TJP2: variants seen among roughly 807,000 people sequenced by gnomAD.
TJP2 encodes the protein Friedreich ataxia region gene X104 (tight junction protein ZO-2).
In TJP2, 91 loss-of-function variants were observed where a neutral mutation model predicts 133.1. The observed-to-expected ratio is 0.68, with a 90% CI of 0.58 to 0.81. The LOEUF is 0.81. Among genes scored for constraint, TJP2 ranks in the 40% least tolerant of loss-of-function variants. TJP2 has a pLI of 0.00. For missense variants in TJP2, 1,541 were observed against 1,565.6 expected (o/e 0.98, Z 0.26); for synonymous variants, 592 against 583.4 (o/e 1.01, Z -0.21).
intron 1 of TJP2, among the ~76,000 whole-genome samples, chr9:69,128,647 C>T (rs1390811569): frequency 1.3e-5 from 2 of 151,794 alleles, no homozygotes; most frequent in Non-Finnish European, 2.9e-5. Flanking sequence ...CTCAGCCTCC[C>T]GAGTAGCTGG....
At chr9:69,135,220 G>A (rs547669947) in intron 1 of TJP2, among the ~76,000 whole-genome samples, 44 of 151,562 alleles carry the variant, frequency 2.9e-4, no homozygotes, top group African/African-American at 1.0e-3. Flanking sequence ...ATCATGGCTG[G>A]CACTCTTAAT....
intron 10 of TJP2, 28 bp downstream of exon 10, chr9:69,229,278 C>G: frequency 6.2e-7 from 1 of 1,600,894 alleles, no homozygotes; most frequent in African/African-American, 1.3e-5. Flanking sequence ...TCTTTGTTTT[C>G]CCTTCTTCCT....
chr9:69,178,863 T>C (rs1021534121), intron 1 of TJP2, among the ~76,000 whole-genome samples: 1 of 152,252 alleles, frequency 6.6e-6, no homozygotes, highest in African/African-American at 2.4e-5. Context: ...AAGTGACTCT[T>C]GCTCATGATT....
rs78681248 is a variant in TJP2 at position 69,234,602 on chromosome 9, A to T, written c.1780+55A>T. On this transcript the variant is annotated intron_variant, in intron 12 of 22. Coordinates refer to ENST00000377245, the MANE Select transcript of TJP2 (RefSeq NM_004817.4). Reference sequence around the variant, plus strand: ...GGGGTGGGGGTGGGGAGTGGGAAGGATGAGAGAGGTGTCTTGGTACCAGAA... The same window carrying T: ...GGGGTGGGGGTGGGGAGTGGGAAGGTTGAGAGAGGTGTCTTGGTACCAGAA... 40,031 of 1,083,382 alleles carry T rather than the reference A, an allele frequency of 0.037. 1,411 individuals are homozygous for T. The highest frequency in any genetic ancestry group is 0.061 in the South Asian group (4,795 of 78,002). The allele number at this position is 1,083,382 out of a possible 1,614,324, so 67.1% of individuals were successfully genotyped here.
At chr9:69,253,014 C>T in intron 22 of TJP2, 114 bp downstream of exon 22, 1 of 919,146 alleles carries the variant, frequency 1.1e-6, no homozygotes, top group Admixed American at 2.1e-5. Context: ...TTTTTCCCCA[C>T]AGATTGACTG....
chr9:69,241,067 A>G (rs1233591502), intron 17 of TJP2, among the ~76,000 whole-genome samples: 1 of 152,152 alleles, frequency 6.6e-6, no homozygotes, highest in Admixed American at 6.5e-5. Flanking sequence ...TAGTTGTTGA[A>G]CTGGTTGATA....
At chr9:69,164,399 A>G (rs1349219590) in intron 2 of TJP2, among the ~76,000 whole-genome samples, 2 of 152,030 alleles carry the variant, frequency 1.3e-5, no homozygotes, top group African/African-American at 4.8e-5. Context: ...CTCACCTTAT[A>G]TTCCCTCTTA....
At chr9:69,151,448 C>G (rs1253471679) in intron 1 of TJP2, among the ~76,000 whole-genome samples, 2 of 138,626 alleles carry the variant, frequency 1.4e-5, no homozygotes, top group African/African-American at 5.3e-5. Flanking sequence ...CCATTGCACT[C>G]TAGCCTGGGC....
intron 19 of TJP2, chr9:69,248,674 C>T (rs1339575485): frequency 6.8e-6 from 7 of 1,030,554 alleles, no homozygotes; most frequent in Middle Eastern, 4.6e-4. Flanking sequence ...CAGTTTCCTT[C>T]TCTCTTATAT....
intron 1 of TJP2, among the ~76,000 whole-genome samples, chr9:69,132,164 T>C (rs1219161975): frequency 6.6e-6 from 1 of 152,192 alleles, no homozygotes; most frequent in East Asian, 1.9e-4. Context: ...ACTGGGGGAT[T>C]GTTACACTGG....
chr9:69,142,018 A>T (rs1823039298), intron 1 of TJP2, among the ~76,000 whole-genome samples: 1 of 152,208 alleles, frequency 6.6e-6, no homozygotes, highest in Admixed American at 6.5e-5. Context: ...GTGGGATTCA[A>T]ACCAAGTCTT....
chr9:69,249,502 C>CCT lies in TJP2; in HGVS notation c.2991+18_2991+19insTC, dbSNP rs1474415716. 5.7e-6 allele frequency: 9 copies of CCT among 1,589,592 alleles called. No individual in the cohort carries two copies. Among genetic ancestry groups the CCT allele is most frequent in the Middle Eastern group, 1.7e-4 (1 of 5,960 alleles). ...CCGCCCAAGGTACGTGGCTGGGAAG[C>CCT]CCAGGATGGGAAGGAAGAGGAAGCA... is the stretch of plus-strand genomic sequence containing the variant. On this transcript the variant is annotated intron_variant, in intron 20 of 22. Coordinates refer to ENST00000377245, the MANE Select transcript of TJP2 (RefSeq NM_004817.4).
intron 2 of TJP2, among the ~76,000 whole-genome samples, chr9:69,153,784 A>G (rs1043971948): frequency 6.6e-5 from 10 of 152,174 alleles, no homozygotes; most frequent in African/African-American, 9.7e-5. Flanking sequence ...TACCTGCACT[A>G]TGAACTGCAT....
chr9:69,230,096 T>C lies in TJP2; in HGVS notation c.1535T>C (p.Met512Thr), dbSNP rs1829656372. Residue 512 changes from methionine to threonine, a missense_variant, in exon 11 of 23, where the codon ATG (methionine) becomes ACG (threonine). Physicochemically the swap from Met to Thr is moderately conservative, Grantham distance 81 (BLOSUM62 -1). Coordinates refer to ENST00000377245, the MANE Select transcript of TJP2 (RefSeq NM_004817.4). ...DEAIYGPNTK[M>T]VRFKKGDSVG... ...ACCTATTGCAGCCCTAATACCAAAA[T>C]GGTAAGGTTCAAGAAGGGAGACAGC... is the stretch of plus-strand genomic sequence containing the variant. The C allele has an allele frequency of 1.2e-6, 2 of 1,613,978 alleles. No individual in the cohort carries two copies. The highest frequency in any genetic ancestry group is 2.2e-5 in the East Asian group (1 of 44,904).
chr9:69,148,823 C>T (rs1823337222), intron 1 of TJP2, among the ~76,000 whole-genome samples: 1 of 152,186 alleles, frequency 6.6e-6, no homozygotes, highest in Admixed American at 6.5e-5. Context: ...ATGATTTACA[C>T]ATGTGTATAT....
intron 18 of TJP2, 97 bp downstream of exon 18, chr9:69,246,887 G>C: frequency 1.9e-6 from 2 of 1,072,572 alleles, no homozygotes; most frequent in South Asian, 1.3e-5. Flanking sequence ...CCCATTTGAA[G>C]TGATGCTCAC....
intron 2 of TJP2, among the ~76,000 whole-genome samples, chr9:69,163,827 T>C (rs1245486456): frequency 6.6e-6 from 1 of 152,114 alleles, no homozygotes; most frequent in Non-Finnish European, 1.5e-5. Flanking sequence ...GACTTCAAAA[T>C]TGTAATCTTT....
chr9:69,213,005 GTA>G, intron 2 of TJP2, among the ~76,000 whole-genome samples: 1 of 45,048 alleles, frequency 2.2e-5, no homozygotes, highest in East Asian at 1.3e-3. Context: ...CCAAGAGACT[GTA>G]AGTCATTTGT....
intron 1 of TJP2, among the ~76,000 whole-genome samples, chr9:69,180,424 A>G (rs1012290207): frequency 6.6e-6 from 1 of 152,164 alleles, no homozygotes; most frequent in Non-Finnish European, 1.5e-5. Context: ...AGGACCTTCT[A>G]GGTTCTTCTG....
Sources: allele counts gnomAD v4.1 joint callset (sites outside exome capture counted in the v4.1 genomes callset), GRCh38; gene constraint gnomAD v4.1.1; transcripts MANE v1.5; gene names NCBI Gene and HGNC (gene_info 2026-07-23, HGNC 2026-07-21).